ZNF226: variants seen among roughly 807,000 people sequenced by gnomAD.
The protein encoded by ZNF226 is zinc finger protein 226.
ZNF226 carries 6 observed loss-of-function variants against 11.4 expected under a neutral mutation model. The observed-to-expected ratio is 0.53, with a 90% CI of 0.29 to 1.04. The LOEUF (loss-of-function observed/expected upper bound fraction) is 1.04. Among genes scored for constraint, ZNF226 ranks in the 50% least tolerant of loss-of-function variants. ZNF226 has a pLI of 0.08. For missense variants in ZNF226, 1,058 were observed against 956.5 expected (o/e 1.11, Z -1.40); for synonymous variants, 350 against 322.8 (o/e 1.08, Z -0.90).
downstream of ZNF226, among the ~76,000 whole-genome samples, chr19:44,178,612 G>A (rs761104733): frequency 6.6e-6 from 1 of 152,112 alleles, no homozygotes; most frequent in Non-Finnish European, 1.5e-5. Flanking sequence ...GATTTTTGGA[G>A]CATGACTTTC....
Position 44,177,178 on chromosome 19 carries a change from G to C in ZNF226, c.1916G>C (p.Gly639Ala). The C allele has an allele frequency of 6.2e-7, 1 of 1,614,054 alleles. No homozygotes were observed. Reference sequence around the variant, plus strand: ...TTGGCCCATCAGAGAGTCCACAGTGGAGAAAAACCATTCAAATGTGAAGAA... The same window carrying C: ...TTGGCCCATCAGAGAGTCCACAGTGCAGAAAAACCATTCAAATGTGAAGAA... ...NLLAHQRVHS[G>A]EKPFKCEECG... Residue 639 changes from glycine to alanine, a missense_variant, in exon 6 of 6, where the codon GGA (glycine) becomes GCA (alanine). By Grantham distance (60) the Gly-to-Ala change is moderately conservative. Transcript: ENST00000337433.
the ZNF226 span, among the ~76,000 whole-genome samples, chr19:44,189,965 T>A: frequency 4.3e-4 from 65 of 152,220 alleles, 1 homozygote; most frequent in Admixed American, 2.0e-4. Context: ...AAAGAGTAGT[T>A]CCCATTCTTA....
chr19:44,182,830 A>G (rs1236825883), downstream of ZNF226, among the ~76,000 whole-genome samples: 1 of 152,162 alleles, frequency 6.6e-6, no homozygotes. Flanking sequence ...AGATCTTTGC[A>G]TTTGTTCATA....
the ZNF226 span, among the ~76,000 whole-genome samples, chr19:44,197,663 GTATATT>G: frequency 6.6e-6 from 1 of 152,124 alleles, no homozygotes; most frequent in Non-Finnish European, 1.5e-5. Context: ...TTGTACATTT[GTATATT>G]CTTCATATAG....
downstream of ZNF226, chr19:44,177,717 A>C (rs749646520): frequency 4.6e-6 from 7 of 1,519,544 alleles, no homozygotes; most frequent in Non-Finnish European, 6.2e-6. Context: ...TCCAGTTATC[A>C]AGTCTCAAAG....
At chr19:44,171,280 CA>C (rs1440262533) in intron 3 of ZNF226, among the ~76,000 whole-genome samples, 1 of 152,060 alleles carries the variant, frequency 6.6e-6, no homozygotes, top group Non-Finnish European at 1.5e-5. Flanking sequence ...ATAGAATATT[CA>C]AATATGGCAC....
chr19:44,195,325 G>A, the ZNF226 span, among the ~76,000 whole-genome samples: 1 of 152,298 alleles, frequency 6.6e-6, no homozygotes, highest in Non-Finnish European at 1.5e-5. Context: ...AGAAGCAGAG[G>A]CCACAAAAGG....
chr19:44,191,408 C>T, the ZNF226 span, among the ~76,000 whole-genome samples: 1 of 152,124 alleles, frequency 6.6e-6, no homozygotes, highest in African/African-American at 2.4e-5. Context: ...TTAAATTTCA[C>T]ATAATATTTA....
At chr19:44,168,999 T>C (rs1293703332) in intron 2 of ZNF226, among the ~76,000 whole-genome samples, 1 of 80,786 alleles carries the variant, frequency 1.2e-5, no homozygotes, top group Non-Finnish European at 2.1e-5. Context: ...TCCCTTTTCC[T>C]TTTTTTTTTT....
downstream of ZNF226, among the ~76,000 whole-genome samples, chr19:44,178,962 C>T (rs1970864153): frequency 6.6e-6 from 1 of 152,096 alleles, no homozygotes; most frequent in Non-Finnish European, 1.5e-5. Context: ...GGTGGATCAC[C>T]TAAGGTCAGG....
chr19:44,189,134 G>A, the ZNF226 span, among the ~76,000 whole-genome samples: 13 of 152,148 alleles, frequency 8.5e-5, no homozygotes, highest in African/African-American at 1.2e-4. Context: ...TGTTCTGTAG[G>A]TGTGGGCTAT....
chr19:44,181,424 A>C (rs995006317), downstream of ZNF226, among the ~76,000 whole-genome samples: 2 of 152,010 alleles, frequency 1.3e-5, no homozygotes, highest in Admixed American at 1.3e-4. Context: ...CCATGGACTC[A>C]ACTTCCCTAT....
chr19:44,176,355 T>G lies in ZNF226; in HGVS notation c.1093T>G (p.Cys365Gly). 1 of 1,614,154 alleles carries G rather than the reference T, an allele frequency of 6.2e-7. No individual in the cohort carries two copies. The highest frequency in any genetic ancestry group is 8.5e-7 in the Non-Finnish European group (1 of 1,180,006). ...KVHTAEKPYNCEECGRAFSQA... is the reference protein window; with the variant it reads ...KVHTAEKPYNGEECGRAFSQA... The stretch of plus-strand genomic sequence containing the variant: ...CCACACGGCAGAGAAACCTTATAAT[T>G]GTGAGGAGTGTGGGAGGGCCTTCAG... Residue 365 changes from cysteine to glycine, a missense_variant, in exon 6 of 6, where the codon TGT becomes GGT. By Grantham distance (159) the Cys-to-Gly change is radical. Coordinates refer to ENST00000337433, the MANE Select transcript of ZNF226 (RefSeq NM_001032373.2).
the ZNF226 span, among the ~76,000 whole-genome samples, chr19:44,199,442 C>T: frequency 6.6e-6 from 1 of 152,170 alleles, no homozygotes; most frequent in Admixed American, 6.5e-5. Context: ...AGCTTCTCTC[C>T]TGTTTTCTCT....
chr19:44,196,720 T>C, the ZNF226 span, among the ~76,000 whole-genome samples: 28 of 152,348 alleles, frequency 1.8e-4, no homozygotes, highest in East Asian at 5.0e-3. Context: ...TTTCAAAAAA[T>C]GAATTGTATC....
intron 5 of ZNF226, chr19:44,173,825 T>G (rs1366870398): frequency 6.6e-6 from 1 of 152,218 alleles, no homozygotes; most frequent in Admixed American, 6.5e-5. Context: ...TTACTCTCTG[T>G]GCACTGCCTT....
intron 2 of ZNF226, among the ~76,000 whole-genome samples, 176 bp downstream of exon 2, chr19:44,165,983 C>CT (rs1969325695): frequency 1.3e-5 from 2 of 152,186 alleles, no homozygotes; most frequent in South Asian, 4.1e-4. Flanking sequence ...AAGTGATACT[C>CT]TTTTTCCGAG....
downstream of ZNF226, chr19:44,177,849 A>AAG: frequency 1.4e-6 from 1 of 737,334 alleles, no homozygotes; most frequent in African/African-American, 1.8e-5. Flanking sequence ...TGTTACTTAG[A>AAG]AGAGGGGTGT....
chr19:44,172,007 C>T (rs1287091421), intron 3 of ZNF226, 81 bp from the exon 4 acceptor site: 1 of 1,563,152 alleles, frequency 6.4e-7, no homozygotes, highest in Non-Finnish European at 8.7e-7. Flanking sequence ...GCATCCAGAA[C>T]AACTTTCCAC....
Sources: allele counts gnomAD v4.1 joint callset (sites outside exome capture counted in the v4.1 genomes callset), GRCh38; gene constraint gnomAD v4.1.1; transcripts MANE v1.5; gene names NCBI Gene and HGNC (gene_info 2026-07-23, HGNC 2026-07-21).